Variants in ADAM28 observed in about 807,000 individuals in gnomAD.
ADAM28 encodes the protein ADAM metallopeptidase domain 28, also known as disintegrin and metalloproteinase domain-containing protein 28.
In ADAM28, 105 loss-of-function variants were observed where a neutral mutation model predicts 101.2. The observed-to-expected ratio is 1.04, with a 90% CI of 0.89 to 1.22. ADAM28 has a LOEUF of 1.22. Among genes scored for constraint, ADAM28 ranks in the 50% most tolerant of loss-of-function variants. ADAM28 has a pLI of 0.00. For missense variants in ADAM28, 1,028 were observed against 945.4 expected, an observed-to-expected ratio of 1.09 and a Z score of -1.15; for synonymous variants, 322 against 310.6, an observed-to-expected ratio of 1.04 and a Z score of -0.39.
At position 24,341,684 on chromosome 8, in the gene ADAM28, A is replaced by G; in HGVS notation, c.1757A>G (p.Lys586Arg). 6.2e-7 allele frequency: 1 copy of G among 1,613,950 alleles called. No individual in the cohort carries two copies. Among genetic ancestry groups the G allele is most frequent in the Non-Finnish European group, 8.5e-7 (1 of 1,179,886 alleles). Reference protein sequence around the residue: ...KGRIVTFLTCKTFDPEDTSQE... With the variant: ...KGRIVTFLTCRTFDPEDTSQE... ...CGGATAGTGACTTTCCTGACATGTA[A>G]AACATTTGATCCTGAAGACACAAGT... The change falls in exon 16 of 23, where the codon AAA becomes AGA. Residue 586 changes from lysine (K) to arginine (R), a missense_variant. Coordinates refer to ENST00000265769, the MANE Select transcript of ADAM28 (RefSeq NM_014265.6).
At chr8:24,318,426 T>G (rs984497466) in intron 6 of ADAM28, among the ~76,000 whole-genome samples, 1 of 151,994 alleles carries the variant, frequency 6.6e-6, no homozygotes, top group Non-Finnish European at 1.5e-5. Flanking sequence ...ACATTCTTCC[T>G]AGGTAATCTT....
intron 1 of ADAM28, among the ~76,000 whole-genome samples, chr8:24,299,342 A>T (rs1428136722): frequency 6.6e-6 from 1 of 152,232 alleles, no homozygotes; most frequent in East Asian, 1.9e-4. Flanking sequence ...TGTTTGAATT[A>T]TCTGCTTCTC....
rs528012706 is a variant in ADAM28, at chr8:24,349,214, C to T, written c.1991-650C>T. On this transcript the variant is annotated intron_variant, in intron 18 of 22. Transcript: ENST00000265769. ...TTTTCAATCTTTTCCTTCCTGGTCTCTTGTGGTTTCAGATTATTGTAAGAG... is the reference window on the plus strand; with the variant it reads ...TTTTCAATCTTTTCCTTCCTGGTCTTTTGTGGTTTCAGATTATTGTAAGAG... Among the ~76,000 whole-genome samples the T allele has an allele frequency of 1.1e-4, 16 of 152,226 alleles. No homozygotes were observed. In the East Asian group the frequency reaches 2.5e-3, roughly 24 times the overall value.
chr8:24,344,847 T>C (rs1815219513), intron 18 of ADAM28, among the ~76,000 whole-genome samples: 2 of 152,118 alleles, frequency 1.3e-5, no homozygotes, highest in Admixed American at 1.3e-4. Context: ...GGTGTAACAA[T>C]GCATCCACAT....
chr8:24,297,620 C>G (rs186955452), intron 1 of ADAM28, among the ~76,000 whole-genome samples: 61 of 152,326 alleles, frequency 4.0e-4, no homozygotes, highest in Middle Eastern at 3.4e-3. Context: ...CTTAACAAGA[C>G]TAATTGCATT....
chr8:24,310,060 C>A, intron 3 of ADAM28, 90 bp downstream of exon 3: 2 of 1,496,432 alleles, frequency 1.3e-6, no homozygotes, highest in Non-Finnish European at 9.3e-7. Context: ...ATGGCTCACA[C>A]AAACCTGGAC....
At chr8:24,307,274 C>T (rs1173163868) in intron 2 of ADAM28, among the ~76,000 whole-genome samples, 1 of 152,156 alleles carries the variant, frequency 6.6e-6, no homozygotes, top group Non-Finnish European at 1.5e-5. Flanking sequence ...CTTCTCAAGA[C>T]AGTGAACAGA....
chr8:24,352,547 G>A (rs558920355), intron 21 of ADAM28, among the ~76,000 whole-genome samples: 9 of 152,192 alleles, frequency 5.9e-5, no homozygotes, highest in African/African-American at 1.4e-4. Context: ...GCACCCTCAC[G>A]ACCTCATTAT....
chr8:24,312,436 A>G (rs180944390), intron 5 of ADAM28, among the ~76,000 whole-genome samples: 2 of 152,126 alleles, frequency 1.3e-5, no homozygotes, highest in East Asian at 3.9e-4. Flanking sequence ...TCTTCTAAAC[A>G]CTTTCTGAAA....
At chr8:24,314,700 T>C (rs1810923899) in intron 6 of ADAM28, among the ~76,000 whole-genome samples, 4 of 151,932 alleles carry the variant, frequency 2.6e-5, no homozygotes, top group Admixed American at 2.6e-4. Context: ...CATATATCTC[T>C]AGTATGACAC....
intron 8 of ADAM28, among the ~76,000 whole-genome samples, chr8:24,323,592 A>G (rs2129290738): frequency 6.6e-6 from 1 of 151,830 alleles, no homozygotes; most frequent in African/African-American, 2.4e-5. Flanking sequence ...TCTCCTCCCT[A>G]CCACCCCCCA....
chr8:24,351,479 G>A (rs925535742), intron 20 of ADAM28, 169 bp downstream of exon 20: 35 of 730,522 alleles, frequency 4.8e-5, no homozygotes, highest in East Asian at 3.3e-4. Flanking sequence ...CTAAAATGCC[G>A]AGGCTACTTT....
chr8:24,308,604 G>A (rs749489790), intron 2 of ADAM28: 5 of 456,160 alleles, frequency 1.1e-5, no homozygotes, highest in South Asian at 6.2e-5. Context: ...TGACTATTCT[G>A]CATAACTTTT....
rs1412301101 is a variant in ADAM28 at position 24,324,595 on chromosome 8, T to C, written c.890+592T>C. Among the ~76,000 whole-genome samples, 3 of 151,992 alleles carry C rather than the reference T, an allele frequency of 2.0e-5. No homozygotes were observed. In the East Asian group the frequency reaches 5.8e-4, roughly 29 times the overall value. On this transcript the variant is annotated intron_variant, in intron 9 of 22. Coordinates refer to ENST00000265769, the MANE Select transcript of ADAM28 (RefSeq NM_014265.6). Reference sequence around the variant, plus strand: ...TTACCTAAGAAAACCATGAATTTCATGGAAATCAGTGAACTATGTCCTGCC... The same window carrying C: ...TTACCTAAGAAAACCATGAATTTCACGGAAATCAGTGAACTATGTCCTGCC...
At chr8:24,341,384 A>G (rs1440636154) in intron 15 of ADAM28, 7 of 453,140 alleles carry the variant, frequency 1.5e-5, no homozygotes, top group African/African-American at 2.0e-5. Context: ...AATTAGGTGT[A>G]CAGGGATCTA....
chr8:24,331,424 T>A (rs1278261811), intron 12 of ADAM28, 97 bp downstream of exon 12: 3 of 1,260,828 alleles, frequency 2.4e-6, no homozygotes, highest in Non-Finnish European at 3.2e-6. Context: ...ACATTATAGG[T>A]TTTTTGGGTA....
At chr8:24,325,875 A>AAAAAAAAAAAAAAAAAAAAC (rs1812493361) in intron 9 of ADAM28, among the ~76,000 whole-genome samples, 1 of 120,676 alleles carries the variant, frequency 8.3e-6, no homozygotes, top group African/African-American at 3.0e-5. Context: ...AGATAGCAAA[A>AAAAAAAAAAAAAAAAAAAAC]AAAAAAAAAA....
intron 9 of ADAM28, chr8:24,324,920 A>G (rs1812344927): frequency 6.6e-6 from 1 of 151,958 alleles, no homozygotes. Flanking sequence ...TGACCTAACT[A>G]CAAAAGTCAC....
intron 15 of ADAM28, 53 bp downstream of exon 15, chr8:24,339,621 C>A: frequency 7.2e-7 from 1 of 1,394,804 alleles, no homozygotes; most frequent in Non-Finnish European, 1.0e-6. Flanking sequence ...CAATGGTACA[C>A]TTCCAGCTAC....
Sources: allele counts gnomAD v4.1 joint callset (sites outside exome capture counted in the v4.1 genomes callset), GRCh38; gene constraint gnomAD v4.1.1; transcripts MANE v1.5; gene names NCBI Gene and HGNC (gene_info 2026-07-23, HGNC 2026-07-21).